NEO1: variants seen among roughly 807,000 people sequenced by gnomAD.
NEO1 encodes neogenin 1, also known as neogenin.
Under a neutral mutation model 159.7 loss-of-function variants are expected in NEO1, and 63 were observed. The observed-to-expected ratio is 0.39, with a 90% CI of 0.32 to 0.49. NEO1 has a LOEUF of 0.49. NEO1 is among the 20% of genes least tolerant of loss of function. The pLI is 0.85. For missense variants in NEO1, 1,615 were observed against 1,831.0 expected, an observed-to-expected ratio of 0.88 and a Z score of 2.15; for synonymous variants, 633 against 662.0, an observed-to-expected ratio of 0.96 and a Z score of 0.67.
intron 1 of NEO1, among the ~76,000 whole-genome samples, chr15:73,067,946 G>T (rs531356199): frequency 6.6e-6 from 1 of 152,142 alleles, no homozygotes; most frequent in South Asian, 2.1e-4. Context: ...GCTTGTGTGG[G>T]TTCCTGTTCT....
intron 22 of NEO1, among the ~76,000 whole-genome samples, chr15:73,279,614 G>A (rs2041597427): frequency 6.6e-6 from 1 of 152,086 alleles, no homozygotes; most frequent in African/African-American, 2.4e-5. Context: ...CTCCCAAAGT[G>A]CTGGGATTAC....
At chr15:73,205,188 C>T (rs1003575578) in intron 7 of NEO1, among the ~76,000 whole-genome samples, 2 of 152,162 alleles carry the variant, frequency 1.3e-5, no homozygotes, top group Admixed American at 6.5e-5. Flanking sequence ...TGGTTGTGAC[C>T]TTCACAAGTG....
intron 1 of NEO1, among the ~76,000 whole-genome samples, chr15:73,058,618 C>T (rs1209738060): frequency 6.6e-6 from 1 of 152,106 alleles, no homozygotes; most frequent in East Asian, 1.9e-4. Context: ...CCATTTATTG[C>T]AGAAAAGTAA....
chr15:73,207,105 C>G (rs2037283351), intron 7 of NEO1, among the ~76,000 whole-genome samples: 1 of 152,162 alleles, frequency 6.6e-6, no homozygotes, highest in Admixed American at 6.5e-5. Context: ...TGGCTCAATC[C>G]AGCTTGATCC....
intron 7 of NEO1, among the ~76,000 whole-genome samples, chr15:73,206,459 G>T (rs1043722250): frequency 2.0e-5 from 3 of 152,074 alleles, no homozygotes; most frequent in African/African-American, 7.2e-5. Flanking sequence ...ATAAAAGTTT[G>T]TCATAAGCAC....
rs887574752 is a variant in NEO1 at position 73,252,494 on chromosome 15, C to T, written c.1895-906C>T. 4.6e-5 allele frequency among the ~76,000 whole-genome samples: 7 copies of T among 152,144 alleles called. No individual in the cohort carries two copies. The East Asian group carries it at 1.2e-3, about 25-fold the overall frequency. On this transcript the variant is annotated intron_variant, in intron 11 of 28. Coordinates refer to ENST00000261908, the MANE Select transcript of NEO1 (RefSeq NM_002499.4). ...GGTTGCCTCAGGAAACCAGATGGTT[C>T]ACTTTACCAGTTGTCATTGCTTAAA...
chr15:73,076,155 C>T (rs2068757740), intron 1 of NEO1, among the ~76,000 whole-genome samples: 1 of 152,034 alleles, frequency 6.6e-6, no homozygotes, highest in African/African-American at 2.4e-5. Flanking sequence ...CTCAGATCTC[C>T]CTTTTGTCTG....
chr15:73,217,697 G>T (rs1490200024), intron 7 of NEO1, among the ~76,000 whole-genome samples: 2 of 152,216 alleles, frequency 1.3e-5, no homozygotes, highest in East Asian at 3.9e-4. Context: ...AAGCAATTGT[G>T]AATGGGAGTT....
chr15:73,235,576 G>A (rs1394436043), intron 7 of NEO1, among the ~76,000 whole-genome samples: 2 of 152,170 alleles, frequency 1.3e-5, no homozygotes, highest in Non-Finnish European at 2.9e-5. Flanking sequence ...TCGCAGTGAA[G>A]AGTGTAACAA....
intron 1 of NEO1, among the ~76,000 whole-genome samples, chr15:73,075,035 A>T (rs2068705071): frequency 1.3e-5 from 2 of 152,218 alleles, no homozygotes; most frequent in Admixed American, 1.3e-4. Flanking sequence ...ACAGAGTCAT[A>T]GGAGGAATCA....
chr15:73,237,717 A>G (rs547910019), intron 8 of NEO1, among the ~76,000 whole-genome samples: 19 of 152,118 alleles, frequency 1.2e-4, no homozygotes, highest in African/African-American at 4.1e-4. Flanking sequence ...GTAGAGAAAC[A>G]TAGTTCTATA....
At position 73,132,871 on chromosome 15, in the gene NEO1, A is replaced by C. The variant is rs187308997; in HGVS notation, c.879-3020A>C. On this transcript the variant is annotated intron_variant, in intron 4 of 28. Transcript: ENST00000261908. ...CTGCAAGAATGGCCATAATCAAAAA[A>C]TCAAAAGTAATAGATGTTGATGTGG... is the stretch of plus-strand genomic sequence containing the variant. 1.3e-3 allele frequency among the ~76,000 whole-genome samples: 195 copies of C among 152,276 alleles called. 1 individual carries two copies. Among genetic ancestry groups the C allele is most frequent in the East Asian group, 9.6e-4 (5 of 5,188 alleles).
chr15:73,066,905 T>C (rs2068251008), intron 1 of NEO1, among the ~76,000 whole-genome samples: 1 of 152,216 alleles, frequency 6.6e-6, no homozygotes, highest in Admixed American at 6.5e-5. Flanking sequence ...CTTTTCTTTC[T>C]TTTTGCATCT....
chr15:73,209,236 T>C (rs2152081122), intron 7 of NEO1, among the ~76,000 whole-genome samples: 1 of 152,348 alleles, frequency 6.6e-6, no homozygotes, highest in South Asian at 2.1e-4. Context: ...AGAGACACCA[T>C]TGGGAACAAC....
intron 7 of NEO1, among the ~76,000 whole-genome samples, chr15:73,185,246 C>T (rs1162819327): frequency 1.3e-5 from 2 of 152,164 alleles, no homozygotes; most frequent in Non-Finnish European, 2.9e-5. Context: ...GAATTTGCAA[C>T]ATCAAGAGTG....
intron 23 of NEO1, 139 bp from the exon 24 acceptor site, chr15:73,288,174 G>A (rs780276785): frequency 1.0e-5 from 7 of 681,550 alleles, no homozygotes; most frequent in African/African-American, 8.9e-5. Flanking sequence ...GTTGTTGTTG[G>A]GGGCAGGAGG....
At chr15:73,145,175 G>T (rs924382328) in intron 5 of NEO1, among the ~76,000 whole-genome samples, 2 of 152,196 alleles carry the variant, frequency 1.3e-5, no homozygotes, top group African/African-American at 4.8e-5. Flanking sequence ...TTTGCTTACA[G>T]AAATGAGATG....
intron 15 of NEO1, among the ~76,000 whole-genome samples, chr15:73,263,169 C>T (rs1281313203): frequency 6.8e-6 from 1 of 147,538 alleles, no homozygotes; most frequent in African/African-American, 2.5e-5. Flanking sequence ...TTATTATATG[C>T]TAATTATACC....
rs79659258 is a variant in NEO1 at position 73,253,844 on chromosome 15, A to G, written c.1944+395A>G. Among the ~76,000 whole-genome samples the G allele has an allele frequency of 3.1e-3, 471 of 152,342 alleles. 1 individual carries two copies. Among genetic ancestry groups the G allele is most frequent in the African/African-American group, 0.011 (441 of 41,598 alleles). ...CAGAAGGAAATAAGTTGTTTATAAC[A>G]TGGTTCCTTAGTGCTGTGAGATGAG... On this transcript the variant is annotated intron_variant, in intron 12 of 28. Coordinates refer to ENST00000261908, the MANE Select transcript of NEO1 (RefSeq NM_002499.4).
Sources: allele counts gnomAD v4.1 joint callset (sites outside exome capture counted in the v4.1 genomes callset), GRCh38; gene constraint gnomAD v4.1.1; transcripts MANE v1.5; gene names NCBI Gene and HGNC (gene_info 2026-07-23, HGNC 2026-07-21).